COG5: variants seen among roughly 807,000 people sequenced by gnomAD.
COG5 encodes component of oligomeric golgi complex 5, also known as conserved oligomeric Golgi complex subunit 5.
A neutral mutation model predicts 110.4 loss-of-function variants in COG5; 86 were observed. The ratio of observed to expected loss-of-function variants is 0.78; its 90% CI spans 0.65 to 0.93. COG5 has a LOEUF of 0.93. Among genes scored for constraint, COG5 ranks in the 40% least tolerant of loss-of-function variants. The pLI is 0.00. For synonymous variants in COG5, 360 were observed against 334.6 expected (o/e 1.08, Z -0.83); for missense variants, 1,077 against 987.0 (o/e 1.09, Z -1.22).
intron 11 of COG5, among the ~76,000 whole-genome samples, chr7:107,317,289 C>T (rs1808843180): frequency 6.6e-6 from 1 of 152,020 alleles, no homozygotes; most frequent in East Asian, 1.9e-4. Flanking sequence ...AACAGCCAAA[C>T]AGAAACAACT....
At chr7:107,433,466 T>C (rs1355289215) in intron 6 of COG5, among the ~76,000 whole-genome samples, 2 of 152,212 alleles carry the variant, frequency 1.3e-5, no homozygotes, top group Admixed American at 1.3e-4. Context: ...TGTCTGGTAC[T>C]GGCATAAAGA....
At chr7:107,261,362 G>C (rs1394121500) in intron 14 of COG5, among the ~76,000 whole-genome samples, 1 of 151,362 alleles carries the variant, frequency 6.6e-6, no homozygotes, top group Admixed American at 6.6e-5. Flanking sequence ...TGCATAATTT[G>C]TTTTCTGAAT....
At position 107,524,721 on chromosome 7, in the gene COG5, T is replaced by A. The variant is rs149635664; in HGVS notation, c.538+2516A>T. 5.1e-4 allele frequency among the ~76,000 whole-genome samples: 78 copies of A among 152,284 alleles called. No homozygotes were observed. The East Asian group carries it at 0.014, about 27-fold the overall frequency. ...GTCTTTGCAAATATTAAATCACACA[T>A]CATCTGCAAGGCTTTTAAAAATTAG... On this transcript the variant is annotated intron_variant, in intron 6 of 21. Transcript: ENST00000297135.
intron 16 of COG5, among the ~76,000 whole-genome samples, chr7:107,251,572 G>A (rs764725448): frequency 6.6e-6 from 1 of 151,852 alleles, no homozygotes; most frequent in Admixed American, 6.6e-5. Context: ...GATATATGCA[G>A]AACCCAAAAG....
chr7:107,211,969 C>A (rs942256144), intron 19 of COG5, among the ~76,000 whole-genome samples: 1 of 152,156 alleles, frequency 6.6e-6, no homozygotes, highest in Non-Finnish European at 1.5e-5. Flanking sequence ...GCAGCAACAT[C>A]TCTTGACAGA....
intron 6 of COG5, among the ~76,000 whole-genome samples, chr7:107,522,791 C>T (rs1800431165): frequency 6.6e-6 from 1 of 152,124 alleles, no homozygotes; most frequent in African/African-American, 2.4e-5. Context: ...TGTTCCTGCA[C>T]CATCTGTTGA....
intron 12 of COG5, among the ~76,000 whole-genome samples, chr7:107,284,976 C>T (rs1805502779): frequency 1.3e-5 from 2 of 152,100 alleles, no homozygotes; most frequent in African/African-American, 2.4e-5. Flanking sequence ...TTTTTCTCAC[C>T]CTTCTGGTCC....
chr7:107,551,167 C>T (rs1264334546), intron 3 of COG5, among the ~76,000 whole-genome samples: 1 of 152,138 alleles, frequency 6.6e-6, no homozygotes, highest in Non-Finnish European at 1.5e-5. Context: ...CTCAGCCTCC[C>T]AAGTAGCTGG....
chr7:107,561,681 C>T (rs1427902912), intron 1 of COG5, among the ~76,000 whole-genome samples: 1 of 152,100 alleles, frequency 6.6e-6, no homozygotes, highest in Admixed American at 6.5e-5. Flanking sequence ...ATCCTTAGAA[C>T]GGAGCAGAGA....
intron 6 of COG5, among the ~76,000 whole-genome samples, chr7:107,417,213 A>G (rs960826469): frequency 6.6e-6 from 1 of 152,254 alleles, no homozygotes; most frequent in Non-Finnish European, 1.5e-5. Flanking sequence ...AGCAACCTTC[A>G]GATGTTTCTA....
intron 7 of COG5, among the ~76,000 whole-genome samples, chr7:107,385,307 A>C (rs1343965192): frequency 5.3e-5 from 8 of 152,228 alleles, no homozygotes. Context: ...CAGAACTGTG[A>C]GAAAATACGT....
intron 14 of COG5, among the ~76,000 whole-genome samples, chr7:107,275,553 TTTTA>T (rs1405149490): frequency 6.6e-6 from 1 of 152,042 alleles, no homozygotes; most frequent in Non-Finnish European, 1.5e-5. Flanking sequence ...TAAATAATAC[TTTTA>T]TTTATTTAAT....
rs781674401 is a variant in COG5, at chr7:107,434,244, C to T, written c.539-21612G>A. Among the ~76,000 whole-genome samples the T allele has an allele frequency of 7.2e-5, 11 of 152,092 alleles. No individual in the cohort carries two copies. In the South Asian group the frequency reaches 8.3e-4, roughly 11 times the overall value. ...GAAATGCAAAATGGTGCAGCTGTTA[C>T]GGAAAACCATATAGACCTTCCTGGA... is the stretch of plus-strand genomic sequence containing the variant. On this transcript the variant is annotated intron_variant, in intron 6 of 21. Transcript: ENST00000297135.
At chr7:107,275,131 T>C (rs930095864) in intron 14 of COG5, among the ~76,000 whole-genome samples, 3 of 151,954 alleles carry the variant, frequency 2.0e-5, no homozygotes, top group African/African-American at 7.3e-5. Context: ...AATCCTAAAA[T>C]AGTCCAACGT....
intron 10 of COG5, among the ~76,000 whole-genome samples, chr7:107,335,616 T>A (rs1231226151): frequency 1.3e-5 from 2 of 152,204 alleles, no homozygotes; most frequent in Non-Finnish European, 2.9e-5. Context: ...TTCTTACTTA[T>A]TAGTAATAAC....
intron 7 of COG5, among the ~76,000 whole-genome samples, chr7:107,379,114 A>C (rs1814882160): frequency 6.6e-6 from 1 of 152,236 alleles, no homozygotes; most frequent in Admixed American, 6.5e-5. Flanking sequence ...GGGGGCCAAC[A>C]ATAAACATTC....
intron 14 of COG5, among the ~76,000 whole-genome samples, chr7:107,268,157 G>A (rs1408290730): frequency 2.0e-5 from 3 of 152,020 alleles, no homozygotes; most frequent in Non-Finnish European, 4.4e-5. Context: ...TAGCACAGAC[G>A]GGGTTTCTCC....
chr7:107,545,828 A>G (rs1246488236), intron 5 of COG5, among the ~76,000 whole-genome samples: 3 of 151,794 alleles, frequency 2.0e-5, no homozygotes, highest in African/African-American at 7.3e-5. Flanking sequence ...AAAACCAACA[A>G]ATCAATTTTG....
chr7:107,496,206 A>G (rs1798263176), intron 6 of COG5, among the ~76,000 whole-genome samples: 1 of 152,218 alleles, frequency 6.6e-6, no homozygotes, highest in South Asian at 2.1e-4. Flanking sequence ...AGTCAAAGAC[A>G]CTACAAGAAA....
Sources: allele counts gnomAD v4.1 joint callset (sites outside exome capture counted in the v4.1 genomes callset), GRCh38; gene constraint gnomAD v4.1.1; transcripts MANE v1.5; gene names NCBI Gene and HGNC (gene_info 2026-07-23, HGNC 2026-07-21).